SSBP2: variants seen among roughly 807,000 people sequenced by gnomAD.
SSBP2 encodes the protein single stranded DNA binding protein 2, also known as single-stranded DNA-binding protein 2.
SSBP2 carries 17 observed loss-of-function variants against 61.8 expected under a neutral mutation model. The ratio of observed to expected loss-of-function variants is 0.28; its 90% confidence interval spans 0.19 to 0.41. SSBP2 has a LOEUF of 0.41. Among genes scored for constraint, SSBP2 ranks in the 10% least tolerant of loss-of-function variants. The pLI is 1.00. For synonymous variants in SSBP2, 139 were observed against 141.3 expected (o/e 0.98, Z 0.12); for missense variants, 310 against 458.7 (o/e 0.68, Z 2.96).
chr5:81,510,934 G>A (rs1561485716), intron 5 of SSBP2, among the ~76,000 whole-genome samples: 1 of 151,976 alleles, frequency 6.6e-6, no homozygotes, highest in Non-Finnish European at 1.5e-5. Context: ...GTTTAGTACT[G>A]CCTTTAGGAT....
At chr5:81,549,782 T>C (rs113237283) in intron 4 of SSBP2, among the ~76,000 whole-genome samples, 6 of 152,314 alleles carry the variant, frequency 3.9e-5, no homozygotes, top group African/African-American at 1.4e-4. Flanking sequence ...CAATTTGCTA[T>C]GTTTGAGGTA....
At chr5:81,475,499 C>T (rs1765526815) in intron 6 of SSBP2, among the ~76,000 whole-genome samples, 1 of 152,030 alleles carries the variant, frequency 6.6e-6, no homozygotes, top group Non-Finnish European at 1.5e-5. Context: ...ACACCAAATA[C>T]ATATTTCTTG....
intron 12 of SSBP2, 57 bp downstream of exon 12, chr5:81,446,811 A>C: frequency 6.6e-7 from 1 of 1,520,096 alleles, no homozygotes; most frequent in Non-Finnish European, 9.0e-7. Flanking sequence ...CAATTTCTAT[A>C]TTCTGTGATT....
At chr5:81,705,697 A>G (rs1246065862) in intron 1 of SSBP2, among the ~76,000 whole-genome samples, 1 of 152,176 alleles carries the variant, frequency 6.6e-6, no homozygotes, top group African/African-American at 2.4e-5. Context: ...GACTTTTTAT[A>G]TTGCAAACTC....
At chr5:81,706,880 C>T (rs1342329027) in intron 1 of SSBP2, among the ~76,000 whole-genome samples, 4 of 152,132 alleles carry the variant, frequency 2.6e-5, no homozygotes, top group Admixed American at 2.0e-4. Flanking sequence ...TTTAGATGCA[C>T]AGAAAAACAG....
rs373191347 is a variant in SSBP2 at position 81,589,343 on chromosome 5, CAA to C, written c.282+26128_282+26129del. Reference sequence around the variant, plus strand: ...ACTGGAAATTAGATAAAACAAAAGACAAAGCTCTTACCAAGAGACTTTAAAAC... The same window carrying C: ...ACTGGAAATTAGATAAAACAAAAGACAGCTCTTACCAAGAGACTTTAAAAC... On this transcript the variant is annotated intron_variant, in intron 4 of 16. Transcript: ENST00000320672. 1.4e-4 allele frequency among the ~76,000 whole-genome samples: 21 copies of C among 152,186 alleles called. No individual in the cohort carries two copies. In the East Asian group the frequency reaches 2.1e-3, roughly 15 times the overall value.
intron 16 of SSBP2, among the ~76,000 whole-genome samples, chr5:81,426,299 T>G (rs1167453364): frequency 6.6e-6 from 1 of 152,216 alleles, no homozygotes; most frequent in Non-Finnish European, 1.5e-5. Context: ...AGTCCCTTCT[T>G]CTCAGGAGAC....
At chr5:81,746,633 T>G (rs545238639) in intron 1 of SSBP2, among the ~76,000 whole-genome samples, 1 of 152,304 alleles carries the variant, frequency 6.6e-6, no homozygotes, top group Admixed American at 6.5e-5. Context: ...ATACTGTAAC[T>G]ACTTTGAAAT....
At position 81,559,318 on chromosome 5, in the gene SSBP2, C is replaced by T. The variant is rs559190666; in HGVS notation, c.283-45601G>A. ...AGGAGAATTGCTGGAACCCGGGAAGCGGAGGTTGCAGTGAGCCGAGACTGC... is the reference window on the plus strand; with the variant it reads ...AGGAGAATTGCTGGAACCCGGGAAGTGGAGGTTGCAGTGAGCCGAGACTGC... On this transcript the variant is annotated intron_variant, in intron 4 of 16. Coordinates refer to ENST00000320672, the MANE Select transcript of SSBP2 (RefSeq NM_012446.5). Among the ~76,000 whole-genome samples, 30 of 147,060 alleles carry T rather than the reference C, an allele frequency of 2.0e-4. No individual in the cohort carries two copies. The East Asian group carries it at 2.6e-3, about 13-fold the overall frequency.
At chr5:81,539,116 A>G (rs1771043338) in intron 4 of SSBP2, among the ~76,000 whole-genome samples, 1 of 152,272 alleles carries the variant, frequency 6.6e-6, no homozygotes. Flanking sequence ...TATTAAGAAC[A>G]TTTGTGATTC....
intron 4 of SSBP2, among the ~76,000 whole-genome samples, chr5:81,570,696 A>AT (rs35643260): frequency 0.34 from 52,378 of 151,858 alleles, 9,670 homozygotes; most frequent in African/African-American, 0.49. Context: ...AATAATTAAA[A>AT]TTTTTTCTGG....
At chr5:81,448,754 C>T in intron 11 of SSBP2, 36 bp downstream of exon 11, 1 of 1,593,632 alleles carries the variant, frequency 6.3e-7, no homozygotes. Context: ...AATGTAACAT[C>T]AATTCTTATA....
At chr5:81,596,868 C>T (rs2153540578) in intron 4 of SSBP2, among the ~76,000 whole-genome samples, 1 of 148,908 alleles carries the variant, frequency 6.7e-6, no homozygotes, top group African/African-American at 2.5e-5. Flanking sequence ...AAATGTTAGA[C>T]CTAAAACCAT....
chr5:81,521,240 T>G (rs1769458140), intron 4 of SSBP2, among the ~76,000 whole-genome samples: 1 of 151,996 alleles, frequency 6.6e-6, no homozygotes, highest in East Asian at 1.9e-4. Context: ...TATCTCCCTC[T>G]TCCATGTCCC....
intron 4 of SSBP2, among the ~76,000 whole-genome samples, chr5:81,575,096 C>T (rs1393425000): frequency 3.3e-5 from 5 of 152,002 alleles, no homozygotes; most frequent in Non-Finnish European, 5.9e-5. Context: ...GGTGAAACCC[C>T]GTCTCTACTA....
chr5:81,601,734 C>T (rs1744384062), intron 4 of SSBP2, among the ~76,000 whole-genome samples: 1 of 152,162 alleles, frequency 6.6e-6, no homozygotes, highest in African/African-American at 2.4e-5. Context: ...ATCACCAAAG[C>T]ATCTTCCTAA....
intron 15 of SSBP2, among the ~76,000 whole-genome samples, chr5:81,434,966 T>C (rs967377814): frequency 6.6e-6 from 1 of 152,080 alleles, no homozygotes; most frequent in Non-Finnish European, 1.5e-5. Context: ...ACTGATGCTC[T>C]TAAGAGAAAA....
intron 1 of SSBP2, among the ~76,000 whole-genome samples, chr5:81,737,921 G>A (rs561961605): frequency 3.4e-4 from 52 of 151,852 alleles, no homozygotes; most frequent in African/African-American, 1.0e-3. Flanking sequence ...TCCTTTATGC[G>A]TTTCCCTCAT....
rs1317667406 is a variant in SSBP2 at position 81,645,798 on chromosome 5, T to TA, written c.135+4468dup. On this transcript the variant is annotated intron_variant, in intron 2 of 16. Coordinates refer to ENST00000320672, the MANE Select transcript of SSBP2 (RefSeq NM_012446.5). ...ATATTCCATTTTTTCCCCTTGGGAGTAAAAAAAAAATGAAAAGTCACATAA... is the reference window on the plus strand; with the variant it reads ...ATATTCCATTTTTTCCCCTTGGGAGTAAAAAAAAAAATGAAAAGTCACATAA... Among the ~76,000 whole-genome samples the TA allele has an allele frequency of 7.2e-3, 1,075 of 149,068 alleles. 11 individuals carry two copies. The highest frequency in any genetic ancestry group is 0.024 in the African/African-American group (986 of 40,806).
Sources: gnomAD v4.1 joint callset for allele counts (sites outside exome capture counted in the v4.1 genomes callset) on GRCh38, gnomAD v4.1.1 for gene constraint, MANE v1.5 for transcripts, NCBI Gene and HGNC (gene_info 2026-07-23, HGNC 2026-07-21) for gene names.